BTG4: variants seen among roughly 807,000 people sequenced by gnomAD.
BTG4 encodes the protein BTG anti-proliferation factor 4.
Under a neutral mutation model 19.3 loss-of-function variants are expected in BTG4, and 10 were observed. The ratio of observed to expected loss-of-function variants is 0.52; its 90% CI spans 0.32 to 0.88. The LOEUF (loss-of-function observed/expected upper bound fraction) is 0.88, where lower values mean the gene tolerates loss of function less well. BTG4 is among the 40% of genes least tolerant of loss of function. BTG4 has a pLI of 0.04. For synonymous variants in BTG4, 91 were observed against 95.7 expected, an observed-to-expected ratio of 0.95 and a Z score of 0.29; for missense variants, 238 against 281.9, an observed-to-expected ratio of 0.84 and a Z score of 1.11.
At chr11:111,441,039 G>T in the BTG4 span, among the ~76,000 whole-genome samples, 1 of 151,982 alleles carries the variant, frequency 6.6e-6, no homozygotes. Context: ...GGGAGTGGCA[G>T]TCATCTGGCA....
chr11:111,487,787 C>CAA (rs1339223299), intron 5 of BTG4, among the ~76,000 whole-genome samples: 3 of 152,004 alleles, frequency 2.0e-5, no homozygotes, highest in African/African-American at 4.8e-5. Flanking sequence ...AATCAACATA[C>CAA]AAAAATCAGT....
chr11:111,514,698 G>A (rs2135769453), upstream of BTG4: 5 of 1,058,342 alleles, frequency 4.7e-6, no homozygotes, highest in Non-Finnish European at 6.8e-6. Flanking sequence ...GCAGGGGCTG[G>A]TACCAACTTG....
chr11:111,436,782 C>T, the BTG4 span, among the ~76,000 whole-genome samples: 1 of 152,244 alleles, frequency 6.6e-6, no homozygotes, highest in Admixed American at 6.5e-5. Context: ...CACCTTCCCG[C>T]GCCTGCCCCT....
chr11:111,485,344 C>G (rs1466372542), intron 5 of BTG4, among the ~76,000 whole-genome samples: 3 of 152,124 alleles, frequency 2.0e-5, no homozygotes, highest in Non-Finnish European at 4.4e-5. Flanking sequence ...AAGGACAGAC[C>G]ATATGTTAGG....
At chr11:111,508,204 T>C (rs1438055701) in intron 1 of BTG4, among the ~76,000 whole-genome samples, 1 of 152,248 alleles carries the variant, frequency 6.6e-6, no homozygotes, top group Non-Finnish European at 1.5e-5. Context: ...CCATATTTTC[T>C]ACATCACCTC....
the BTG4 span, among the ~76,000 whole-genome samples, chr11:111,405,509 T>C: frequency 2.0e-5 from 3 of 149,816 alleles, no homozygotes; most frequent in Non-Finnish European, 4.4e-5. Context: ...ACTGACCCTC[T>C]TTATCGTTTT....
intron 5 of BTG4, among the ~76,000 whole-genome samples, chr11:111,478,715 T>C (rs1403290654): frequency 6.6e-6 from 1 of 151,708 alleles, no homozygotes; most frequent in Non-Finnish European, 1.5e-5. Context: ...ATGTAAAAAC[T>C]AAAATATAAA....
At chr11:111,421,081 G>T in the BTG4 span, among the ~76,000 whole-genome samples, 1 of 152,202 alleles carries the variant, frequency 6.6e-6, no homozygotes, top group Non-Finnish European at 1.5e-5. Flanking sequence ...CTTAAGGCTG[G>T]AGAGAGCGTG....
the BTG4 span, among the ~76,000 whole-genome samples, chr11:111,400,833 T>C: frequency 1.3e-5 from 2 of 152,126 alleles, no homozygotes; most frequent in Non-Finnish European, 2.9e-5. Flanking sequence ...GAAGCCTGCT[T>C]CACCTCTGTA....
chr11:111,384,937 C>T, the BTG4 span: 1 of 151,946 alleles, frequency 6.6e-6, no homozygotes, highest in Non-Finnish European at 1.5e-5. Flanking sequence ...CTAATGCTTT[C>T]GTTTTCTAAG....
chr11:111,427,129 A>T, the BTG4 span, among the ~76,000 whole-genome samples: 3 of 152,192 alleles, frequency 2.0e-5, no homozygotes, highest in African/African-American at 7.2e-5. Context: ...TTTCTCTCAT[A>T]ATGCTGTTAA....
At chr11:111,404,192 C>A in the BTG4 span, among the ~76,000 whole-genome samples, 2 of 152,164 alleles carry the variant, frequency 1.3e-5, no homozygotes, top group African/African-American at 2.4e-5. Context: ...GTAAGACATG[C>A]CTTTCACCTT....
chr11:111,475,884 T>C (rs1208653524), intron 5 of BTG4, among the ~76,000 whole-genome samples: 1 of 151,970 alleles, frequency 6.6e-6, no homozygotes, highest in African/African-American at 2.4e-5. Context: ...AGGAGCAAAG[T>C]CACATCTTAC....
the BTG4 span, among the ~76,000 whole-genome samples, chr11:111,411,205 A>C: frequency 6.6e-6 from 1 of 151,828 alleles, no homozygotes; most frequent in South Asian, 2.1e-4. Flanking sequence ...TCTGACCCAC[A>C]CCCTAATGAT....
the BTG4 span, among the ~76,000 whole-genome samples, chr11:111,383,856 A>T: frequency 6.6e-6 from 1 of 152,222 alleles, no homozygotes; most frequent in Non-Finnish European, 1.5e-5. Flanking sequence ...CCAGCTGAGC[A>T]TGGGACAGCT....
chr11:111,487,735 T>C (rs999094207), intron 5 of BTG4, among the ~76,000 whole-genome samples: 1 of 152,108 alleles, frequency 6.6e-6, no homozygotes, highest in East Asian at 1.9e-4. Context: ...CAAAAATCTA[T>C]TGAAACTGAA....
intron 1 of BTG4, among the ~76,000 whole-genome samples, chr11:111,504,240 T>A (rs936472849): frequency 6.6e-6 from 1 of 152,082 alleles, no homozygotes; most frequent in Non-Finnish European, 1.5e-5. Flanking sequence ...ATGAACTGAT[T>A]CTGTAACCCA....
the BTG4 span, chr11:111,453,347 A>G: frequency 2.5e-6 from 1 of 402,968 alleles, no homozygotes; most frequent in Non-Finnish European, 5.1e-6. Context: ...CAGAGTCTTC[A>G]GGAAGGATGC....
At chr11:111,478,277 C>A (rs1298863323) in intron 5 of BTG4, among the ~76,000 whole-genome samples, 1 of 152,052 alleles carries the variant, frequency 6.6e-6, no homozygotes, top group Non-Finnish European at 1.5e-5. Context: ...AATGAGAGAC[C>A]CTTTCTTGGG....
Sources: gnomAD v4.1 joint callset for allele counts (sites outside exome capture counted in the v4.1 genomes callset) on GRCh38, gnomAD v4.1.1 for gene constraint, MANE v1.5 for transcripts, NCBI Gene and HGNC (gene_info 2026-07-23, HGNC 2026-07-21) for gene names.